The following NAB1 variants were observed in gnomAD, a reference collection of about 807,000 sequenced individuals.
NAB1 encodes the protein NGFI-A-binding protein 1.
NAB1 carries 25 observed loss-of-function variants against 49.9 expected under a neutral mutation model. That is an observed-to-expected ratio of 0.50 (90% CI 0.37 to 0.70). The LOEUF (loss-of-function observed/expected upper bound fraction) is 0.70. NAB1 is among the 30% of genes least tolerant of loss of function. NAB1 has a pLI of 0.00. For synonymous variants in NAB1, 198 were observed against 215.6 expected (o/e 0.92, Z 0.71); for missense variants, 489 against 575.9 (o/e 0.85, Z 1.54).
chr2:190,660,102 C>T, intron 4 of NAB1, 107 bp downstream of exon 4: 1 of 983,814 alleles, frequency 1.0e-6, no homozygotes, highest in Non-Finnish European at 1.5e-6. Flanking sequence ...TACCTGAAAG[C>T]AGTATTAAAA....
chr2:190,665,353 G>T (rs375816704), intron 4 of NAB1, among the ~76,000 whole-genome samples: 1 of 151,616 alleles, frequency 6.6e-6, no homozygotes, highest in Non-Finnish European at 1.5e-5. Context: ...TGGTTATTCT[G>T]CTATTTATTG....
chr2:190,658,395 C>G (rs1694039226), intron 3 of NAB1, among the ~76,000 whole-genome samples: 1 of 152,198 alleles, frequency 6.6e-6, no homozygotes, highest in Non-Finnish European at 1.5e-5. Context: ...ATTCTGAACT[C>G]TCAGATGTAA....
chr2:190,664,620 G>T (rs1419982225), intron 4 of NAB1, among the ~76,000 whole-genome samples: 5 of 57,576 alleles, frequency 8.7e-5, no homozygotes, highest in Admixed American at 7.4e-4. Flanking sequence ...TTTTTGTAGG[G>T]ACAGGGTTTC....
rs1694333899 is a variant in NAB1 at position 190,663,576 on chromosome 2, A to G, written c.819+3581A>G. The stretch of plus-strand genomic sequence containing the variant: ...ATATTTACTCTCTGGCCTTTTACAG[A>G]AAAAGCTTGCCAACCTCTGATCTTT... On this transcript the variant is annotated intron_variant, in intron 4 of 9. Coordinates refer to ENST00000337386, the MANE Select transcript of NAB1 (RefSeq NM_005966.4). The surrounding 1 kb of genome is among the most constrained non-coding windows in gnomAD (Gnocchi z 4.2). 6.6e-6 allele frequency among the ~76,000 whole-genome samples: 1 copy of G among 152,230 alleles called. No homozygotes were observed. Among genetic ancestry groups the G allele is most frequent in the South Asian group, 2.1e-4 (1 of 4,834 alleles).
At chr2:190,660,028 T>A in intron 4 of NAB1, 33 bp downstream of exon 4, 1 of 1,563,730 alleles carries the variant, frequency 6.4e-7, no homozygotes, top group Non-Finnish European at 8.7e-7. Context: ...TCTGTGTGTG[T>A]ATGTGGCATG....
At chr2:190,687,066 A>G (rs1695641481) in intron 8 of NAB1, 135 bp from the exon 9 acceptor site, 7 of 440,624 alleles carry the variant, frequency 1.6e-5, no homozygotes, top group Non-Finnish European at 2.8e-5. Context: ...GTTTTTTCCA[A>G]GTCTTATTTA....
Position 190,679,655 on chromosome 2 carries a change from G to A in NAB1, c.1006-4083G>A, listed in dbSNP as rs1245605774. ...TCCAGTGGGCAGATACACAGGTGGT[G>A]TAATCCTAATTTAAAAATTTGGATC... is the stretch of plus-strand genomic sequence containing the variant. On this transcript the variant is annotated intron_variant, in intron 6 of 9. Coordinates refer to ENST00000337386, the MANE Select transcript of NAB1 (RefSeq NM_005966.4). The surrounding 1 kb of genome is among the most constrained non-coding windows in gnomAD (Gnocchi z 5.3). 6.6e-6 allele frequency among the ~76,000 whole-genome samples: 1 copy of A among 152,172 alleles called. No homozygotes were observed. Among genetic ancestry groups the A allele is most frequent in the Non-Finnish European group, 1.5e-5 (1 of 68,038 alleles).
At chr2:190,668,352 T>A (rs1302119637) in intron 4 of NAB1, among the ~76,000 whole-genome samples, 1 of 152,120 alleles carries the variant, frequency 6.6e-6, no homozygotes, top group Non-Finnish European at 1.5e-5. Flanking sequence ...CTGGAGGTAG[T>A]TTGATGTCCA....
In NAB1 at chr2:190,663,654, G is replaced by A. The variant is rs147341647; in HGVS notation, c.819+3659G>A. ...CTATTCTTGCTTGTGCTGTACACGTGTATATATTTGTCTCCTCTCTTAGTT... is the reference window on the plus strand; with the variant it reads ...CTATTCTTGCTTGTGCTGTACACGTATATATATTTGTCTCCTCTCTTAGTT... On this transcript the variant is annotated intron_variant, in intron 4 of 9. Transcript: ENST00000337386. The surrounding 1 kb of genome is among the most constrained non-coding windows in gnomAD (Gnocchi z 4.2). Among the ~76,000 whole-genome samples the A allele has an allele frequency of 3.9e-5, 6 of 152,292 alleles. No individual in the cohort carries two copies. Among genetic ancestry groups the A allele is most frequent in the African/African-American group, 1.2e-4 (5 of 41,562 alleles).
In NAB1 at chr2:190,689,976, TAGAG is replaced by T. The variant is rs1356950779; in HGVS notation, c.1376-266_1376-263del. Among the ~76,000 whole-genome samples, 1 of 148,980 alleles carries T rather than the reference TAGAG, an allele frequency of 6.7e-6. No homozygotes were observed. The highest frequency in any genetic ancestry group is 1.5e-5 in the Non-Finnish European group (1 of 66,364). On this transcript the variant is annotated intron_variant, in intron 9 of 9. Transcript: ENST00000337386. This position sits in a 1 kb window ranked among gnomAD's most constrained non-coding sequence, Gnocchi z 4.3. The stretch of plus-strand genomic sequence containing the variant: ...TTTTATAAATGAAGACATTAAGGCT[TAGAG>T]AGGTGTATAACTTGCCCAGAGATGT...
chr2:190,668,158 A>G (rs996578537), intron 4 of NAB1, among the ~76,000 whole-genome samples: 3 of 152,180 alleles, frequency 2.0e-5, no homozygotes, highest in Non-Finnish European at 4.4e-5. Flanking sequence ...CAGCATTATG[A>G]TTTAGAGAAA....
chr2:190,665,011 A>G (rs1434293760), intron 4 of NAB1, among the ~76,000 whole-genome samples: 1 of 152,102 alleles, frequency 6.6e-6, no homozygotes, highest in Non-Finnish European at 1.5e-5. Flanking sequence ...AAGCTCTTTT[A>G]GGATTTTCTT....
rs1392456693 is a variant in NAB1 at position 190,659,135 on chromosome 2, AC to A, written c.-19-22del. ...TTTGAAGCAAGTATGATGAGTTTTT[AC>A]TTTTTTTTTTTTTTTTGGCAGGTTA... On this transcript the variant is annotated intron_variant, in intron 3 of 9. Transcript: ENST00000337386. This position sits in a 1 kb window ranked among gnomAD's most constrained non-coding sequence, Gnocchi z 6.2. The A allele has an allele frequency of 4.2e-6, 5 of 1,194,108 alleles. No individual in the cohort carries two copies. In the East Asian group the frequency reaches 7.1e-5, roughly 17 times the overall value. 74.0% of individuals were successfully genotyped at this position (1,194,108 alleles called of 1,614,324 possible). A position where few individuals can be genotyped will look rare whatever the true frequency, so the allele number is the denominator to read the frequency against.
rs1320063235 is a variant in NAB1, at chr2:190,684,017, G to C, written c.1095+190G>C. Among the ~76,000 whole-genome samples the C allele has an allele frequency of 6.6e-6, 1 of 152,180 alleles. No homozygotes were observed. Among genetic ancestry groups the C allele is most frequent in the African/African-American group, 2.4e-5 (1 of 41,446 alleles). ...AACAACTTGGTTTGATTCAGTTTATGAACGGAATCTGATATGGTGCTACTT... is the reference window on the plus strand; with the variant it reads ...AACAACTTGGTTTGATTCAGTTTATCAACGGAATCTGATATGGTGCTACTT... On this transcript the variant is annotated intron_variant, in intron 7 of 9. Coordinates refer to ENST00000337386, the MANE Select transcript of NAB1 (RefSeq NM_005966.4). This position sits in a 1 kb window ranked among gnomAD's most constrained non-coding sequence, Gnocchi z 4.6.
At position 190,651,071 on chromosome 2, in the gene NAB1, A is replaced by G. The variant is rs1038772623; in HGVS notation, c.-197+1089A>G. Reference sequence around the variant, plus strand: ...TCTCTTGTTACTTGTGAAGGTATCAATAATAATGTAATAATGACAACATTG... The same window carrying G: ...TCTCTTGTTACTTGTGAAGGTATCAGTAATAATGTAATAATGACAACATTG... On this transcript the variant is annotated intron_variant, in intron 2 of 9. Coordinates refer to ENST00000337386, the MANE Select transcript of NAB1 (RefSeq NM_005966.4). The surrounding 1 kb of genome is among the most constrained non-coding windows in gnomAD (Gnocchi z 4.3). 1.3e-5 allele frequency among the ~76,000 whole-genome samples: 2 copies of G among 152,236 alleles called. No homozygotes were observed. The highest frequency in any genetic ancestry group is 2.4e-5 in the African/African-American group (1 of 41,456).
chr2:190,668,575 G>GA (rs1190205739), intron 4 of NAB1, among the ~76,000 whole-genome samples: 1 of 151,922 alleles, frequency 6.6e-6, no homozygotes, highest in African/African-American at 2.4e-5. Context: ...ATATGTAACT[G>GA]AAAAAAGTAG....
rs1049298270 is a variant in NAB1, at chr2:190,691,505, A to G, written c.*1172A>G. 6.6e-6 allele frequency: 1 copy of G among 152,168 alleles called. No individual in the cohort carries two copies. The highest frequency in any genetic ancestry group is 2.4e-5 in the African/African-American group (1 of 41,444). The allele number at this position is 152,168 out of a possible 1,614,324, so 9.4% of individuals were successfully genotyped here. On this transcript the variant is annotated 3_prime_UTR_variant, in exon 10 of 10. Coordinates refer to ENST00000337386, the MANE Select transcript of NAB1 (RefSeq NM_005966.4). This position sits in a 1 kb window ranked among gnomAD's most constrained non-coding sequence, Gnocchi z 4.1. ...TTAAAATTTATTTTAACTTGACAGT[A>G]TGTTTTTAGTTCCCCCAATTTAATT...
intron 4 of NAB1, among the ~76,000 whole-genome samples, chr2:190,668,324 T>A (rs990861366): frequency 7.2e-5 from 11 of 152,182 alleles, no homozygotes; most frequent in African/African-American, 2.4e-4. Context: ...AGCTTTTTTT[T>A]AAATAGTCTA....
At chr2:190,649,072 G>GCGCTGCCGC (rs1693498848), upstream of NAB1, 1 of 144,326 alleles carries the variant, frequency 6.9e-6, no homozygotes. This position sits in a 1 kb window ranked among gnomAD's most constrained non-coding sequence, Gnocchi z 6.1. Flanking sequence ...GGCGGGGGAG[G>GCGCTGCCGC]CGCTGCCGCC....
Sources: allele counts gnomAD v4.1 joint callset (sites outside exome capture counted in the v4.1 genomes callset), GRCh38; gene constraint gnomAD v4.1.1; non-coding constraint Gnocchi (gnomAD v3.1); transcripts MANE v1.5; gene names NCBI Gene and HGNC (gene_info 2026-07-23, HGNC 2026-07-21).